CDH12: variants seen among roughly 807,000 people sequenced by gnomAD.
The protein encoded by CDH12 is cadherin-12.
Under a neutral mutation model 74.1 loss-of-function variants are expected in CDH12, and 41 were observed. That is an observed-to-expected ratio of 0.55 (90% CI 0.43 to 0.72). The LOEUF (loss-of-function observed/expected upper bound fraction) is 0.72, where lower values mean the gene tolerates loss of function less well. Ranked by LOEUF, CDH12 falls within the 30% of genes least tolerant of loss-of-function variation. The probability of loss-of-function intolerance (pLI) is 0.00; values close to 1 mark genes in which losing one functional copy is unlikely to be tolerated. For missense variants in CDH12, 945 were observed against 977.2 expected, an observed-to-expected ratio of 0.97 and a Z score of 0.44; for synonymous variants, 399 against 355.0, an observed-to-expected ratio of 1.12 and a Z score of -1.39.
At chr5:22,831,246 C>T (rs140498083) in intron 1 of CDH12, among the ~76,000 whole-genome samples, 33 of 151,654 alleles carry the variant, frequency 2.2e-4, no homozygotes, top group African/African-American at 6.5e-4. Flanking sequence ...TCTAAGAAAA[C>T]GATTGAGTAG....
intron 1 of CDH12, among the ~76,000 whole-genome samples, chr5:22,526,918 T>C (rs1580734129): frequency 1.3e-5 from 2 of 152,174 alleles, no homozygotes; most frequent in East Asian, 3.9e-4. Context: ...CAATTATTCA[T>C]TTCCCACCTG....
At chr5:22,604,708 A>G (rs1737011531) in intron 1 of CDH12, among the ~76,000 whole-genome samples, 1 of 152,214 alleles carries the variant, frequency 6.6e-6, no homozygotes, top group South Asian at 2.1e-4. Flanking sequence ...CTTGGCCTGT[A>G]GTCCTCTGGG....
At chr5:22,343,531 C>A (rs945713102) in intron 3 of CDH12, among the ~76,000 whole-genome samples, 7 of 152,126 alleles carry the variant, frequency 4.6e-5, no homozygotes, top group Non-Finnish European at 1.0e-4. Context: ...CATTCTCCTG[C>A]CTCAGCCTCC....
chr5:21,854,634 G>C (rs777818020), intron 7 of CDH12, 37 bp downstream of exon 7: 1 of 1,540,218 alleles, frequency 6.5e-7, no homozygotes, highest in African/African-American at 1.4e-5. Context: ...AATATTTGAA[G>C]GGCTGGTGAT....
intron 3 of CDH12, among the ~76,000 whole-genome samples, chr5:22,404,881 T>C (rs775988334): frequency 4.5e-4 from 69 of 152,310 alleles, no homozygotes; most frequent in Non-Finnish European, 7.9e-4. Context: ...TATTTTTAAA[T>C]TAATGACTCT....
chr5:22,133,903 CA>C (rs1479818765), intron 4 of CDH12, among the ~76,000 whole-genome samples: 22 of 151,870 alleles, frequency 1.4e-4, no homozygotes, highest in African/African-American at 5.3e-4. Context: ...TTCTTATCCA[CA>C]AGTAAGGCTT....
At chr5:21,911,527 T>C (rs760955176) in intron 6 of CDH12, among the ~76,000 whole-genome samples, 12 of 152,092 alleles carry the variant, frequency 7.9e-5, no homozygotes, top group Non-Finnish European at 1.0e-4. Flanking sequence ...GTATATTTTA[T>C]GAGATGTAGA....
chr5:22,173,046 A>C (rs912068937), intron 4 of CDH12, among the ~76,000 whole-genome samples: 2 of 151,422 alleles, frequency 1.3e-5, no homozygotes, highest in Non-Finnish European at 3.0e-5. Flanking sequence ...GAGGATTAAC[A>C]TATCCACAAA....
chr5:22,093,825 A>T (rs1396475147), intron 4 of CDH12, among the ~76,000 whole-genome samples: 2 of 152,190 alleles, frequency 1.3e-5, no homozygotes, highest in African/African-American at 4.8e-5. Flanking sequence ...TAGACTTCAG[A>T]CTCAAGATTT....
chr5:22,046,472 G>T (rs1323586440), intron 5 of CDH12, among the ~76,000 whole-genome samples: 1 of 127,164 alleles, frequency 7.9e-6, no homozygotes, highest in Non-Finnish European at 1.5e-5. Flanking sequence ...TCTCGCTGTC[G>T]CCCAGGCTGG....
intron 3 of CDH12, among the ~76,000 whole-genome samples, chr5:22,381,306 G>A (rs1056226927): frequency 3.3e-4 from 50 of 151,770 alleles, no homozygotes; most frequent in African/African-American, 1.1e-3. Context: ...ATCTGTAAAC[G>A]TTTCACTTTC....
At chr5:22,228,681 G>T (rs190821968) in intron 3 of CDH12, among the ~76,000 whole-genome samples, 10 of 152,132 alleles carry the variant, frequency 6.6e-5, no homozygotes, top group Non-Finnish European at 1.5e-4. Flanking sequence ...TCTCATTAAT[G>T]AAAACACGAG....
intron 1 of CDH12, among the ~76,000 whole-genome samples, chr5:22,511,944 T>TGA (rs1736630949): frequency 6.7e-6 from 1 of 149,944 alleles, no homozygotes; most frequent in South Asian, 2.1e-4. Context: ...TGTGTGTGTG[T>TGA]GTGTGTGTGT....
At chr5:22,633,399 G>T (rs530846123) in intron 1 of CDH12, among the ~76,000 whole-genome samples, 3 of 152,180 alleles carry the variant, frequency 2.0e-5, no homozygotes, top group East Asian at 1.9e-4. Flanking sequence ...TAATGCAATG[G>T]TTATAAACTT....
At chr5:22,025,773 T>C (rs1031147192) in intron 5 of CDH12, among the ~76,000 whole-genome samples, 5 of 152,138 alleles carry the variant, frequency 3.3e-5, no homozygotes, top group African/African-American at 7.2e-5. Flanking sequence ...ATATTCTAAA[T>C]TCTTTATTGT....
chr5:21,918,983 TA>T (rs370431915), intron 6 of CDH12, among the ~76,000 whole-genome samples: 1 of 152,200 alleles, frequency 6.6e-6, no homozygotes. Flanking sequence ...GCTTGAAAAG[TA>T]AAATTTTCAA....
In CDH12 at chr5:21,751,627, TG is replaced by T. The variant is rs779774914; in HGVS notation, c.*109del. On this transcript the variant is annotated 3_prime_UTR_variant, in exon 15 of 15. Transcript: ENST00000382254. ...GTCCCAGAGTGTGTGTGTGTGTGTG[TG>T]TGTTTGTGTGTGTGTGTGTGTGTGA... The T allele has an allele frequency of 4.7e-4, 335 of 718,278 alleles. No individual in the cohort carries two copies. Among genetic ancestry groups the T allele is most frequent in the South Asian group, 1.2e-3 (64 of 53,490 alleles). 44.5% of individuals were successfully genotyped at this position (718,278 alleles called of 1,614,324 possible).
chr5:22,807,953 T>A (rs1231681481), intron 1 of CDH12, among the ~76,000 whole-genome samples: 1 of 152,120 alleles, frequency 6.6e-6, no homozygotes, highest in Non-Finnish European at 1.5e-5. Flanking sequence ...ACAAAAAAAA[T>A]TAAATGTATA....
At chr5:21,760,765 G>C (rs112349260) in intron 12 of CDH12, 90 bp from the exon 13 acceptor site, 1 of 789,398 alleles carries the variant, frequency 1.3e-6, no homozygotes. Context: ...AAGCATGCAA[G>C]TAGACAGAAA....
Sources: allele counts gnomAD v4.1 joint callset (sites outside exome capture counted in the v4.1 genomes callset), GRCh38; gene constraint gnomAD v4.1.1; transcripts MANE v1.5; gene names NCBI Gene and HGNC (gene_info 2026-07-23, HGNC 2026-07-21).